ZNF586: variants seen among roughly 807,000 people sequenced by gnomAD.
ZNF586 encodes zinc finger protein 586.
ZNF586 carries 7 observed loss-of-function variants against 6.7 expected under a neutral mutation model. The observed-to-expected ratio is 1.04, with a 90% CI of 0.59 to 1.95. The LOEUF is 1.95. Ranked by LOEUF, ZNF586 falls within the 30% of genes most tolerant of loss-of-function variation. The pLI is 0.00. For missense variants in ZNF586, 442 were observed against 489.6 expected, an observed-to-expected ratio of 0.90 and a Z score of 0.92; for synonymous variants, 166 against 168.7, an observed-to-expected ratio of 0.98 and a Z score of 0.12.
In ZNF586 at chr19:57,779,736, C is replaced by G; in HGVS notation, c.1149C>G (p.Arg383=). The G allele has an allele frequency of 6.2e-7, 1 of 1,613,010 alleles. No homozygotes were observed. The highest frequency in any genetic ancestry group is 2.2e-5 in the East Asian group (1 of 44,876). Reference sequence around the variant, plus strand: ...GCATTGATTGTGGAAAATCATTTCGCCACAGTTCTTCGTTCCGTCGCCATC... The same window carrying G: ...GCATTGATTGTGGAAAATCATTTCGGCACAGTTCTTCGTTCCGTCGCCATC... The part of the protein sequence containing the change: ...YECIDCGKSF[R]HSSSFRRHQR... The change falls in exon 3 of 3, where the codon CGC becomes CGG. Residue 383 remains arginine, a synonymous_variant. Transcript: ENST00000396154.
intron 1 of ZNF586, among the ~76,000 whole-genome samples, chr19:57,774,010 G>A (rs9676435): frequency 0.5 from 75,706 of 151,560 alleles, 20,687 homozygotes; most frequent in African/African-American, 0.72. Context: ...GAGGCCGGGG[G>A]TTCGAGATCA....
At chr19:57,774,126 G>A (rs1409284987) in intron 1 of ZNF586, among the ~76,000 whole-genome samples, 1 of 149,766 alleles carries the variant, frequency 6.7e-6, no homozygotes, top group African/African-American at 2.5e-5. Context: ...TGAGACAGGA[G>A]AATCGCTTGA....
chr19:57,779,527 G>T lies in ZNF586; in HGVS notation c.940G>T (p.Gly314Ter). 6.2e-7 allele frequency: 1 copy of T among 1,614,068 alleles called. No homozygotes were observed. Among genetic ancestry groups the T allele is most frequent in the Non-Finnish European group, 8.5e-7 (1 of 1,180,022 alleles). ...CATTCACCATCAGCGAGTTCATACT[G>T]GAGAAAGGCATGAGTGCGGGCAGTG... ...NLIHHQRVHT[G>*]ERHECGQCGK... Residue 314 changes from glycine to a stop codon, truncating the protein, a stop_gained, in exon 3 of 3, where the codon GGA becomes TGA. Transcript: ENST00000396154. LOFTEE classifies it low-confidence loss of function (END_TRUNC).
intron 1 of ZNF586, among the ~76,000 whole-genome samples, chr19:57,772,901 C>T (rs1987130708): frequency 6.6e-6 from 1 of 152,078 alleles, no homozygotes; most frequent in Non-Finnish European, 1.5e-5. Context: ...ATTTCCAGAC[C>T]TCGAATCCTG....
At chr19:57,772,459 T>G (rs1252326673) in intron 1 of ZNF586, among the ~76,000 whole-genome samples, 1 of 151,354 alleles carries the variant, frequency 6.6e-6, no homozygotes, top group African/African-American at 2.4e-5. Context: ...CACGGGACTG[T>G]CCGCCAACCC....
chr19:57,775,085 G>A (rs1016340703), intron 1 of ZNF586, among the ~76,000 whole-genome samples: 18 of 150,722 alleles, frequency 1.2e-4, no homozygotes, highest in Non-Finnish European at 1.9e-4. Flanking sequence ...TGCAAGCTCC[G>A]CCTCCTGGGT....
At chr19:57,778,333 G>A (rs918454470) in intron 2 of ZNF586, among the ~76,000 whole-genome samples, 2 of 151,608 alleles carry the variant, frequency 1.3e-5, no homozygotes, top group East Asian at 1.9e-4. Context: ...CCTCGGCCTC[G>A]CAAAGTGCTG....
At position 57,779,771 on chromosome 19, in the gene ZNF586, A is replaced by G. The variant is rs1404521906; in HGVS notation, c.1184A>G (p.His395Arg). 3 of 1,601,422 alleles carry G rather than the reference A, an allele frequency of 1.9e-6. No individual in the cohort carries two copies. In the African/African-American group the frequency reaches 4.0e-5, roughly 21 times the overall value. ...SSSFRRHQRV[H>R]TGMRPYK ...TCGTTCCGTCGCCATCAGAGAGTTC[A>G]TACTGGAATGAGGCCTTATAAGTGA... The change falls in exon 3 of 3, where the codon CAT becomes CGT. Residue 395 changes from histidine to arginine, a missense_variant. His to Arg is a conservative substitution (Grantham distance 29, BLOSUM62 0). Coordinates refer to ENST00000396154, the MANE Select transcript of ZNF586 (RefSeq NM_017652.4).
Position 57,779,791 on chromosome 19 carries a change from A to G in ZNF586, c.1204A>G (p.Lys402Glu), listed in dbSNP as rs771086055. ...QRVHTGMRPY[K>E] ...AGTTCATACTGGAATGAGGCCTTAT[A>G]AGTGAAGCAAATTTTGGAAATTCTC... Residue 402 changes from lysine (K) to glutamate (E), a missense_variant, in exon 3 of 3, where the codon AAG becomes GAG. Lys to Glu is a moderately conservative substitution (Grantham distance 56). Coordinates refer to ENST00000396154, the MANE Select transcript of ZNF586 (RefSeq NM_017652.4). The G allele has an allele frequency of 1.3e-6, 2 of 1,568,052 alleles. No individual in the cohort carries two copies. Among genetic ancestry groups the G allele is most frequent in the South Asian group, 2.4e-5 (2 of 83,340 alleles).
At chr19:57,770,788 AG>A (rs1987075874) in intron 1 of ZNF586, among the ~76,000 whole-genome samples, 1 of 152,142 alleles carries the variant, frequency 6.6e-6, no homozygotes, top group Admixed American at 6.5e-5. Flanking sequence ...AATCCACAGT[AG>A]GAAGTAGGGG....
At chr19:57,775,647 G>T (rs1389442415) in intron 1 of ZNF586, among the ~76,000 whole-genome samples, 1 of 136,168 alleles carries the variant, frequency 7.3e-6, no homozygotes, top group Non-Finnish European at 1.5e-5. Flanking sequence ...CCGTTGCCCA[G>T]GCTAGAGTGC....
At chr19:57,776,391 G>A in intron 1 of ZNF586, 152 bp from the exon 2 acceptor site, 1 of 750,942 alleles carries the variant, frequency 1.3e-6, no homozygotes, top group Admixed American at 2.5e-5. Context: ...ATGGTCCCAT[G>A]AGGACACAGT....
Position 57,769,710 on chromosome 19 carries a change from A to C in ZNF586, c.-133A>C. The C allele has an allele frequency of 6.4e-6, 6 of 942,282 alleles. No individual in the cohort carries two copies. The highest frequency in any genetic ancestry group is 8.1e-6 in the Non-Finnish European group (5 of 614,844). The allele number at this position is 942,282 out of a possible 1,614,324, so 58.4% of individuals were successfully genotyped here. A position where few individuals can be genotyped will look rare whatever the true frequency, so the allele number is the denominator to read the frequency against. On this transcript the variant is annotated 5_prime_UTR_variant, in exon 1 of 3. Coordinates refer to ENST00000396154, the MANE Select transcript of ZNF586 (RefSeq NM_017652.4). ...GTCCATCCGGCGATGCTGGGTCTGG[A>C]CGAGCTCGGGAGGAGTGGTTGTGGC...
intron 1 of ZNF586, among the ~76,000 whole-genome samples, chr19:57,771,364 A>G (rs75686249): frequency 0.088 from 13,332 of 150,988 alleles, 1,604 homozygotes; most frequent in African/African-American, 0.28. Context: ...GCTAGTCTCG[A>G]ACCCTTGGGC....
intron 2 of ZNF586, among the ~76,000 whole-genome samples, chr19:57,777,599 C>T (rs1157825065): frequency 6.6e-6 from 1 of 152,124 alleles, no homozygotes; most frequent in Admixed American, 6.6e-5. Context: ...ATTAGTCCTA[C>T]ACCTTGTTGC....
In ZNF586 at chr19:57,769,834, C is replaced by T. The variant is rs1195798323; in HGVS notation, c.-9C>T. 1.3e-6 allele frequency: 2 copies of T among 1,543,646 alleles called. No homozygotes were observed. The highest frequency in any genetic ancestry group is 2.0e-5 in the Admixed American group (1 of 50,706). ...CCGCCGAGCCCGCGTTCCCCCCCCGCCCAGAGTCATGGCGGCAGCAGCCGC... is the reference window on the plus strand; with the variant it reads ...CCGCCGAGCCCGCGTTCCCCCCCCGTCCAGAGTCATGGCGGCAGCAGCCGC... On this transcript the variant is annotated 5_prime_UTR_variant, in exon 1 of 3. Transcript: ENST00000396154.
At chr19:57,774,824 C>G (rs1987187599) in intron 1 of ZNF586, 3 of 870,478 alleles carry the variant, frequency 3.4e-6, no homozygotes, top group Admixed American at 1.2e-4. Context: ...AGGTCAGTAT[C>G]ATGTGCTACC....
intron 1 of ZNF586, among the ~76,000 whole-genome samples, chr19:57,771,868 A>G (rs1987105435): frequency 6.6e-6 from 1 of 152,120 alleles, no homozygotes; most frequent in Admixed American, 6.6e-5. Flanking sequence ...CCTGTTGCCC[A>G]GGCTGGAGTG....
Position 57,779,110 on chromosome 19 carries a change from G to A in ZNF586, c.523G>A (p.Glu175Lys), listed in dbSNP as rs1325923035. ...GCAGCGTCAGACACTTCACACTAGA[G>A]AAAGGCCTTATGAGTGTATTGAATG... ...LLQRQTLHTRERPYECIECGK... is the reference protein window; with the variant it reads ...LLQRQTLHTRKRPYECIECGK... The change falls in exon 3 of 3, where the codon GAA (glutamate) becomes AAA (lysine). Residue 175 changes from glutamate (E) to lysine (K), a missense_variant. By Grantham distance (56) the Glu-to-Lys change is moderately conservative. Coordinates refer to ENST00000396154, the MANE Select transcript of ZNF586 (RefSeq NM_017652.4). 1 of 1,614,154 alleles carries A rather than the reference G, an allele frequency of 6.2e-7. No homozygotes were observed.
Sources: allele counts gnomAD v4.1 joint callset (sites outside exome capture counted in the v4.1 genomes callset), GRCh38; gene constraint gnomAD v4.1.1; transcripts MANE v1.5; gene names NCBI Gene and HGNC (gene_info 2026-07-23, HGNC 2026-07-21).